Variants in MLPH observed in about 807,000 individuals in gnomAD.
MLPH encodes exophilin-3.
MLPH carries 51 observed loss-of-function variants against 72.1 expected under a neutral mutation model. That is an observed-to-expected ratio of 0.71 (90% confidence interval 0.56 to 0.89). The LOEUF is 0.89. Ranked by LOEUF, MLPH falls within the 40% of genes least tolerant of loss-of-function variation. The probability of loss-of-function intolerance (pLI) is 0.00; values close to 1 mark genes in which losing one functional copy is unlikely to be tolerated. For missense variants in MLPH, 743 were observed against 759.9 expected (o/e 0.98, Z 0.26); for synonymous variants, 301 against 310.1 (o/e 0.97, Z 0.31).
chr2:237,503,045 G>A (rs907144328), intron 2 of MLPH, among the ~76,000 whole-genome samples: 3 of 152,146 alleles, frequency 2.0e-5, no homozygotes, highest in Non-Finnish European at 4.4e-5. Context: ...CTTGAACCCG[G>A]GGGGCAAAGG....
At chr2:237,537,337 T>C (rs1391197209) in intron 9 of MLPH, among the ~76,000 whole-genome samples, 1 of 152,206 alleles carries the variant, frequency 6.6e-6, no homozygotes, top group African/African-American at 2.4e-5. Context: ...AATCCCTGCC[T>C]CTCCCAGGCA....
In MLPH at chr2:237,534,655, T is replaced by TG; in HGVS notation, c.1104+13dup. ...GTGCCTCCCTTGGCCAAGGTAACACTGGGGGCTGGGCAAAGAGAAAGGGCC... is the reference window on the plus strand; with the variant it reads ...GTGCCTCCCTTGGCCAAGGTAACACTGGGGGGCTGGGCAAAGAGAAAGGGCC... On this transcript the variant is annotated intron_variant, in intron 9 of 15. Transcript: ENST00000264605. 6.2e-7 allele frequency: 1 copy of TG among 1,612,426 alleles called. No individual in the cohort carries two copies. Among genetic ancestry groups the TG allele is most frequent in the Non-Finnish European group, 8.5e-7 (1 of 1,178,646 alleles).
chr2:237,488,541 C>T (rs887929643), intron 1 of MLPH, among the ~76,000 whole-genome samples: 1 of 152,202 alleles, frequency 6.6e-6, no homozygotes, highest in African/African-American at 2.4e-5. Flanking sequence ...TGCCCAGGAC[C>T]GTGCTCCTTA....
rs541408522 is a variant in MLPH at position 237,491,390 on chromosome 2, A to C, written c.-24-2013A>C. Among the ~76,000 whole-genome samples, 25 of 152,318 alleles carry C rather than the reference A, an allele frequency of 1.6e-4. 1 individual carries two copies. In the South Asian group the frequency reaches 4.8e-3, roughly 29 times the overall value. On this transcript the variant is annotated intron_variant, in intron 1 of 15. Transcript: ENST00000264605. ...GAACTCCCAGTCATCCATTCCCCAA[A>C]GCGTCAGTGCCCAGAGCAGAGCTGG...
chr2:237,504,660 C>G (rs2079726789), intron 2 of MLPH, among the ~76,000 whole-genome samples: 1 of 152,246 alleles, frequency 6.6e-6, no homozygotes, highest in African/African-American at 2.4e-5. Flanking sequence ...GCCGCCGGTT[C>G]TGTCCACCAT....
intron 8 of MLPH, among the ~76,000 whole-genome samples, chr2:237,530,261 G>A (rs1163972143): frequency 1.3e-5 from 2 of 152,176 alleles, no homozygotes; most frequent in East Asian, 1.9e-4. Flanking sequence ...CCCTCATTCA[G>A]CAGGAAATCT....
At chr2:237,549,323 G>C in intron 14 of MLPH, 45 bp downstream of exon 14, 1 of 1,538,988 alleles carries the variant, frequency 6.5e-7, no homozygotes, top group East Asian at 2.2e-5. Context: ...TGGGAAATGA[G>C]CTTCGGGGAG....
intron 8 of MLPH, among the ~76,000 whole-genome samples, chr2:237,533,541 G>A (rs998739004): frequency 1.3e-5 from 2 of 152,046 alleles, no homozygotes; most frequent in African/African-American, 2.4e-5. Context: ...TTACAGGCAT[G>A]AGCCACCACC....
intron 2 of MLPH, among the ~76,000 whole-genome samples, chr2:237,493,904 A>T (rs2106456212): frequency 6.6e-6 from 1 of 152,264 alleles, no homozygotes; most frequent in Non-Finnish European, 1.5e-5. Context: ...AGTCTTTAGG[A>T]CAGAGGCTGC....
At chr2:237,511,185 T>A in intron 4 of MLPH, 84 bp downstream of exon 4, 2 of 975,454 alleles carry the variant, frequency 2.1e-6, no homozygotes, top group Non-Finnish European at 3.3e-6. Flanking sequence ...TGTGCATGTG[T>A]GTGTGTACGT....
chr2:237,541,001 G>A lies in MLPH; in HGVS notation c.1446+44G>A. On this transcript the variant is annotated intron_variant, in intron 11 of 15. Transcript: ENST00000264605. The surrounding 1 kb of genome is among the most constrained non-coding windows in gnomAD (Gnocchi z 5.1). ...GGGAGCACTGAGTTCCACAAACACA[G>A]ATGGTGACCACACCCAGGCCTTGAA... 6.4e-7 allele frequency: 1 copy of A among 1,570,366 alleles called. No homozygotes were observed. Among genetic ancestry groups the A allele is most frequent in the Middle Eastern group, 2.3e-4 (1 of 4,382 alleles).
intron 5 of MLPH, among the ~76,000 whole-genome samples, chr2:237,519,487 G>A (rs1445518142): frequency 6.6e-6 from 1 of 152,196 alleles, no homozygotes; most frequent in Non-Finnish European, 1.5e-5. Flanking sequence ...TACATCTAAA[G>A]AACAAGGAAC....
At chr2:237,492,855 T>C (rs1428587480) in intron 1 of MLPH, among the ~76,000 whole-genome samples, 2 of 152,150 alleles carry the variant, frequency 1.3e-5, no homozygotes, top group Non-Finnish European at 2.9e-5. Flanking sequence ...CTCCCAACTT[T>C]TCCACCTAGT....
At chr2:237,516,780 A>AATGG (rs545327814) in intron 4 of MLPH, among the ~76,000 whole-genome samples, 2,212 of 142,724 alleles carry the variant, frequency 0.015, 19 homozygotes, top group Non-Finnish European at 0.022. Context: ...GGGAGAGATG[A>AATGG]ATGGATGGAT....
chr2:237,553,092 T>C, intron 15 of MLPH: 1 of 471,888 alleles, frequency 2.1e-6, no homozygotes, highest in South Asian at 1.5e-5. Context: ...TTATACTCTA[T>C]GCAGATGAAG....
chr2:237,552,275 C>T (rs2081054547), intron 14 of MLPH, 62 bp from the exon 15 acceptor site: 2 of 1,412,302 alleles, frequency 1.4e-6, no homozygotes, highest in South Asian at 2.3e-5. Flanking sequence ...GAGGCCAAGG[C>T]ACTTGTTTGG....
Position 237,552,391 on chromosome 2 carries a change from A to G in MLPH, c.1730A>G (p.Gln577Arg). 1 of 1,614,176 alleles carries G rather than the reference A, an allele frequency of 6.2e-7. No homozygotes were observed. Among genetic ancestry groups the G allele is most frequent in the Middle Eastern group, 1.6e-4 (1 of 6,062 alleles). Reference protein sequence around the residue: ...RKSVYRGSLTQRNPNARKGMA... With the variant: ...RKSVYRGSLTRRNPNARKGMA... ...TCAGTGTACCGAGGCTCGCTGACACAGAGAAACCCCAACGCGAGGAAAGGA... is the reference window on the plus strand; with the variant it reads ...TCAGTGTACCGAGGCTCGCTGACACGGAGAAACCCCAACGCGAGGAAAGGA... Residue 577 changes from glutamine to arginine, a missense_variant, in exon 15 of 16, where the codon CAG becomes CGG. Gln to Arg is a conservative substitution (Grantham distance 43). Coordinates refer to ENST00000264605, the MANE Select transcript of MLPH (RefSeq NM_024101.7).
Position 237,540,459 on chromosome 2 carries a change from G to T in MLPH, c.1216G>T (p.Glu406Ter). The T allele has an allele frequency of 6.2e-7, 1 of 1,612,926 alleles. No individual in the cohort carries two copies. The highest frequency in any genetic ancestry group is 8.5e-7 in the Non-Finnish European group (1 of 1,179,468). ...VSDQETSSEE[E>*]EAKDEKAEPN... ...TGACCAGGAGACCTCGTCCGAGGAG[G>T]AGGAAGCCAAGGACGAAAAGGCAGA... Residue 406 changes from glutamate to a stop codon, truncating the protein, a stop_gained, in exon 10 of 16, where the codon GAG becomes TAG. Coordinates refer to ENST00000264605, the MANE Select transcript of MLPH (RefSeq NM_024101.7). LOFTEE classifies it high-confidence loss of function.
At position 237,518,528 on chromosome 2, in the gene MLPH, A is replaced by T. The variant is rs747075608; in HGVS notation, c.446-11A>T. ...TGTCCTTGGGTGGAGTCATGCAGGT[A>T]TCTATTGCAGCTGGGCCTGAACTGA... On this transcript the variant is annotated splice_polypyrimidine_tract_variant and intron_variant, in intron 4 of 15. Transcript: ENST00000264605. 9.3e-6 allele frequency: 15 copies of T among 1,606,128 alleles called. No individual in the cohort carries two copies. The East Asian group carries it at 2.7e-4, about 29-fold the overall frequency.
Sources: allele counts gnomAD v4.1 joint callset (sites outside exome capture counted in the v4.1 genomes callset), GRCh38; gene constraint gnomAD v4.1.1; non-coding constraint Gnocchi (gnomAD v3.1); transcripts MANE v1.5; gene names NCBI Gene and HGNC (gene_info 2026-07-23, HGNC 2026-07-21).